Variants in TBC1D2B observed in about 807,000 individuals in gnomAD.
TBC1D2B encodes TBC1 domain family member 2B, also known as TBC1 domain family, member 2B.
In TBC1D2B, 64 loss-of-function variants were observed where a neutral mutation model predicts 100.8. That is an observed-to-expected ratio of 0.64 (90% confidence interval 0.52 to 0.78). The LOEUF (loss-of-function observed/expected upper bound fraction) is 0.78. TBC1D2B is among the 30% of genes least tolerant of loss of function. The pLI, the probability that TBC1D2B is intolerant of heterozygous loss-of-function variation, is 0.00. For missense variants in TBC1D2B, 1,052 were observed against 1,218.4 expected (o/e 0.86, Z 2.03); for synonymous variants, 480 against 479.7 (o/e 1.00, Z -0.01).
intron 3 of TBC1D2B, among the ~76,000 whole-genome samples, chr15:78,042,681 A>C (rs1389761084): frequency 2.0e-5 from 3 of 152,186 alleles, no homozygotes; most frequent in Non-Finnish European, 2.9e-5. Flanking sequence ...GGCACAGGGC[A>C]GACAGGCACA....
chr15:78,030,065 G>C lies in TBC1D2B; in HGVS notation c.789C>G (p.Asp263Glu). ...CTTCCTGTACTATGGACTCCTCTAG[G>C]TCCTTAGGGGTTGGGTCTAAAAGTT... ...EWELLDPTPK[D>E]LEESIVQEEK... is the part of the protein sequence containing the mutation. The change falls in exon 4 of 13, where the codon GAC becomes GAG. Residue 263 changes from aspartate (D) to glutamate (E), a missense_variant. Physicochemically the swap from Asp to Glu is conservative, Grantham distance 45 (BLOSUM62 2). Coordinates refer to ENST00000300584, the MANE Select transcript of TBC1D2B (RefSeq NM_144572.2). 2 of 1,613,788 alleles carry C rather than the reference G, an allele frequency of 1.2e-6. No individual in the cohort carries two copies. Among genetic ancestry groups the C allele is most frequent in the Non-Finnish European group, 1.7e-6 (2 of 1,179,770 alleles).
chr15:78,069,755 T>C (rs558232699), intron 1 of TBC1D2B, among the ~76,000 whole-genome samples: 2 of 152,254 alleles, frequency 1.3e-5, no homozygotes, highest in East Asian at 3.9e-4. Context: ...TACATACATA[T>C]ATACAAACAT....
intron 9 of TBC1D2B, among the ~76,000 whole-genome samples, chr15:78,011,152 C>A (rs1025953042): frequency 1.3e-5 from 2 of 152,212 alleles, no homozygotes; most frequent in African/African-American, 4.8e-5. Context: ...AGCTATAGTC[C>A]CTTTCACCTT....
intron 1 of TBC1D2B, among the ~76,000 whole-genome samples, chr15:78,074,850 T>C (rs147290856): frequency 6.6e-6 from 1 of 152,364 alleles, no homozygotes; most frequent in African/African-American, 2.4e-5. Context: ...ATAGCTCTAG[T>C]ACCTTTGTTT....
chr15:78,010,054 T>C (rs894018386), intron 9 of TBC1D2B, among the ~76,000 whole-genome samples: 4 of 152,092 alleles, frequency 2.6e-5, no homozygotes, highest in Admixed American at 6.5e-5. Flanking sequence ...AACCCTTTTA[T>C]GCACAAAAAT....
chr15:78,004,609 T>C (rs1256342738), intron 10 of TBC1D2B, among the ~76,000 whole-genome samples: 1 of 152,228 alleles, frequency 6.6e-6, no homozygotes, highest in Non-Finnish European at 1.5e-5. Flanking sequence ...AAACAAATGT[T>C]TCACAAAACA....
chr15:78,043,257 C>T (rs2073126071), intron 3 of TBC1D2B, among the ~76,000 whole-genome samples: 1 of 152,160 alleles, frequency 6.6e-6, no homozygotes, highest in African/African-American at 2.4e-5. Flanking sequence ...AAGAACACCC[C>T]AGCCCCATCC....
At position 78,031,681 on chromosome 15, in the gene TBC1D2B, T is replaced by C. The variant is rs1457495091; in HGVS notation, c.684-1511A>G. The stretch of plus-strand genomic sequence containing the variant: ...GCTATCTGAGTAATCAATATACTTG[T>C]CTGTGTGCTAAAAATATTTCATTAA... On this transcript the variant is annotated intron_variant, in intron 3 of 12. Coordinates refer to ENST00000300584, the MANE Select transcript of TBC1D2B (RefSeq NM_144572.2). Among the ~76,000 whole-genome samples, 4 of 151,926 alleles carry C rather than the reference T, an allele frequency of 2.6e-5. No homozygotes were observed. The East Asian group carries it at 7.7e-4, about 29-fold the overall frequency.
chr15:78,026,474 T>C (rs1006550295), intron 4 of TBC1D2B, among the ~76,000 whole-genome samples: 3 of 152,238 alleles, frequency 2.0e-5, no homozygotes, highest in Non-Finnish European at 4.4e-5. Context: ...GCCAGTGCCA[T>C]GCTTTTGGAC....
intron 3 of TBC1D2B, among the ~76,000 whole-genome samples, chr15:78,040,701 G>A (rs1160932459): frequency 2.2e-5 from 3 of 136,392 alleles, no homozygotes; most frequent in African/African-American, 8.2e-5. Flanking sequence ...AAGGGGGGGA[G>A]GGAGGGAGGA....
chr15:78,003,623 TG>T, intron 10 of TBC1D2B, 133 bp from the exon 11 acceptor site: 1 of 645,950 alleles, frequency 1.5e-6, no homozygotes, highest in Non-Finnish European at 2.7e-6. Flanking sequence ...AAATGCACCG[TG>T]GGGCCCATCA....
intron 3 of TBC1D2B, chr15:78,034,423 G>A (rs2072894275): frequency 2.2e-6 from 2 of 896,678 alleles, no homozygotes; most frequent in South Asian, 5.1e-5. Context: ...CCTTCCCTCA[G>A]GTGGCATGTG....
At position 78,077,335 on chromosome 15, in the gene TBC1D2B, C is replaced by G. The variant is rs1193197371; in HGVS notation, c.318G>C (p.Ala106=). 1 of 1,536,530 alleles carries G rather than the reference C, an allele frequency of 6.5e-7. No individual in the cohort carries two copies. Among genetic ancestry groups the G allele is most frequent in the African/African-American group, 1.4e-5 (1 of 71,006 alleles). ...CTCCCGCGCTGTGCACCTGGAAGTG[C>G]GCGGGCGGCTCCGTGCCCGGCTCCG... is the stretch of plus-strand genomic sequence containing the variant. The part of the protein sequence containing the change: ...EAAEPGTEPP[A]HFQVHSAGAV... The change falls in exon 1 of 13, where the codon GCG becomes GCC. Residue 106 remains alanine, a synonymous_variant. Coordinates refer to ENST00000300584, the MANE Select transcript of TBC1D2B (RefSeq NM_144572.2).
At chr15:78,040,650 GAGAAAGAA>G (rs67225231) in intron 3 of TBC1D2B, among the ~76,000 whole-genome samples, 4 of 118,670 alleles carry the variant, frequency 3.4e-5, no homozygotes, top group African/African-American at 9.9e-5. Context: ...AAGAAAGGAA[GAGAAAGAA>G]AGAAAGAGAA....
chr15:78,051,116 A>G (rs2073304544), intron 2 of TBC1D2B, among the ~76,000 whole-genome samples: 1 of 152,220 alleles, frequency 6.6e-6, no homozygotes, highest in Admixed American at 6.5e-5. Context: ...TGGGCCCTTC[A>G]GTGGCACTAG....
chr15:78,013,687 CATATGT>C (rs1173235129), intron 8 of TBC1D2B, among the ~76,000 whole-genome samples: 22 of 151,934 alleles, frequency 1.4e-4, no homozygotes, highest in African/African-American at 4.8e-4. Context: ...ATATACACTA[CATATGT>C]ATAACTTTAT....
chr15:78,068,484 C>T (rs1339967621), intron 1 of TBC1D2B, among the ~76,000 whole-genome samples: 1 of 151,938 alleles, frequency 6.6e-6, no homozygotes, highest in Non-Finnish European at 1.5e-5. Flanking sequence ...CTGGGATCCT[C>T]TAAGTATGAA....
chr15:78,012,427 T>C (rs2072254738), intron 9 of TBC1D2B, among the ~76,000 whole-genome samples: 2 of 152,250 alleles, frequency 1.3e-5, no homozygotes, highest in South Asian at 2.1e-4. Context: ...AGCTGAATAA[T>C]TGTTTGGGGC....
intron 1 of TBC1D2B, among the ~76,000 whole-genome samples, chr15:78,065,775 C>T (rs150383057): frequency 6.6e-6 from 1 of 152,204 alleles, no homozygotes. Flanking sequence ...ACTGACTTAA[C>T]ATGAAGTTTT....
Sources: gnomAD v4.1 joint callset for allele counts (sites outside exome capture counted in the v4.1 genomes callset) on GRCh38, gnomAD v4.1.1 for gene constraint, MANE v1.5 for transcripts, NCBI Gene and HGNC (gene_info 2026-07-23, HGNC 2026-07-21) for gene names.